The following MTOR variants were observed in gnomAD, a reference collection of about 807,000 sequenced individuals.
The protein encoded by MTOR is mechanistic target of rapamycin kinase, also known as serine/threonine-protein kinase mTOR.
A neutral mutation model predicts 319.8 loss-of-function variants in MTOR; 70 were observed. That is an observed-to-expected ratio of 0.22 (90% CI 0.18 to 0.27). MTOR has a LOEUF of 0.27. Ranked by LOEUF, MTOR falls within the 10% of genes least tolerant of loss-of-function variation. The pLI is 1.00. For missense variants in MTOR, 1,890 were observed against 3,274.4 expected, an observed-to-expected ratio of 0.58 and a Z score of 10.32; for synonymous variants, 1,183 against 1,211.4, an observed-to-expected ratio of 0.98 and a Z score of 0.49.
chr1:11,261,216 C>T (rs1012235655), intron 1 of MTOR, among the ~76,000 whole-genome samples: 1 of 151,316 alleles, frequency 6.6e-6, no homozygotes, highest in African/African-American at 2.4e-5. Context: ...TAGTTCCTGG[C>T]CGGGTTTGGG....
At chr1:11,177,835 G>C (rs1645035795) in intron 28 of MTOR, among the ~76,000 whole-genome samples, 1 of 152,032 alleles carries the variant, frequency 6.6e-6, no homozygotes, top group Non-Finnish European at 1.5e-5. Flanking sequence ...GTGAGTGGAA[G>C]TACCACTTTT....
intron 28 of MTOR, among the ~76,000 whole-genome samples, chr1:11,176,349 C>T (rs781775596): frequency 6.6e-6 from 1 of 152,214 alleles, no homozygotes; most frequent in Non-Finnish European, 1.5e-5. Flanking sequence ...CAAAGTGATG[C>T]AAGCCTCTTC....
At chr1:11,108,336 C>T in intron 56 of MTOR, 50 bp from the exon 57 acceptor site, 1 of 1,412,630 alleles carries the variant, frequency 7.1e-7, no homozygotes, top group Non-Finnish European at 1.0e-6. Flanking sequence ...GCAATCGATG[C>T]ACTTCTTGTT....
intron 20 of MTOR, among the ~76,000 whole-genome samples, chr1:11,214,664 G>T (rs569582539): frequency 6.6e-6 from 1 of 152,262 alleles, no homozygotes; most frequent in East Asian, 1.9e-4. Context: ...AAGCATAATG[G>T]TTTAGAAAGC....
At chr1:11,150,002 C>T (rs1644082417) in intron 31 of MTOR, 124 bp downstream of exon 31, 1 of 708,586 alleles carries the variant, frequency 1.4e-6, no homozygotes, top group Admixed American at 2.5e-5. Context: ...TAGGTGGATA[C>T]AGACCATTTT....
At chr1:11,210,414 C>T (rs1338524505) in intron 24 of MTOR, among the ~76,000 whole-genome samples, 3 of 152,142 alleles carry the variant, frequency 2.0e-5, no homozygotes, top group Non-Finnish European at 4.4e-5. Flanking sequence ...CCTCCCAAGG[C>T]GGGAGCCACC....
rs1298144717 is a variant in MTOR at position 11,163,764 on chromosome 1, T to C, written c.4329+3678A>G. ...AACATAGACACCACATACCAGAATC[T>C]ATGGGATACATTTAAAGCAGGGTGT... On this transcript the variant is annotated intron_variant, in intron 29 of 57. Coordinates refer to ENST00000361445, the MANE Select transcript of MTOR (RefSeq NM_004958.4). Among the ~76,000 whole-genome samples the C allele has an allele frequency of 7.2e-5, 11 of 152,146 alleles. No homozygotes were observed. The East Asian group carries it at 2.1e-3, about 29-fold the overall frequency.
chr1:11,137,410 A>G (rs12097293), intron 36 of MTOR, among the ~76,000 whole-genome samples: 38,157 of 152,032 alleles, frequency 0.25, 5,082 homozygotes, highest in African/African-American at 0.33. Flanking sequence ...CTGGGTATTA[A>G]GTTTGGATTT....
intron 3 of MTOR, among the ~76,000 whole-genome samples, chr1:11,257,501 T>C (rs1219176622): frequency 3.6e-5 from 5 of 140,010 alleles, no homozygotes; most frequent in Non-Finnish European, 7.6e-5. Context: ...AGGCAGAGGT[T>C]GCAGTAAGCC....
At chr1:11,210,767 T>C in intron 24 of MTOR, 47 bp downstream of exon 24, 1 of 1,349,700 alleles carries the variant, frequency 7.4e-7, no homozygotes, top group Non-Finnish European at 1.0e-6. Context: ...GAATATCAAG[T>C]AGTAAAGACA....
chr1:11,205,291 G>T, intron 25 of MTOR, among the ~76,000 whole-genome samples: 1 of 152,178 alleles, frequency 6.6e-6, no homozygotes, highest in East Asian at 1.9e-4. Context: ...ATTCAGGTGG[G>T]TGGAAAGGCT....
intron 20 of MTOR, among the ~76,000 whole-genome samples, chr1:11,215,382 C>G (rs1646435981): frequency 6.6e-6 from 1 of 152,068 alleles, no homozygotes; most frequent in Admixed American, 6.6e-5. Context: ...TTCTGAGATC[C>G]AGGTGCTGGG....
At chr1:11,196,952 C>T (rs1191354091) in intron 28 of MTOR, among the ~76,000 whole-genome samples, 1 of 151,842 alleles carries the variant, frequency 6.6e-6, no homozygotes, top group Admixed American at 6.6e-5. Flanking sequence ...GAAGTTGACT[C>T]AAATGTATAT....
At chr1:11,240,600 G>A (rs1647878062) in intron 10 of MTOR, 53 bp from the exon 11 acceptor site, 1 of 1,570,186 alleles carries the variant, frequency 6.4e-7, no homozygotes, top group South Asian at 1.2e-5. Flanking sequence ...CACTCAGTCT[G>A]TTCTTGGGAA....
At chr1:11,260,772 T>C (rs1569861561) in intron 1 of MTOR, among the ~76,000 whole-genome samples, 1 of 151,430 alleles carries the variant, frequency 6.6e-6, no homozygotes, top group Non-Finnish European at 1.5e-5. Context: ...CTTACAACAA[T>C]GTCAATTTGG....
At chr1:11,147,789 C>T (rs1643987262) in intron 31 of MTOR, among the ~76,000 whole-genome samples, 2 of 152,196 alleles carry the variant, frequency 1.3e-5, no homozygotes, top group African/African-American at 4.8e-5. Context: ...GGACACTCTA[C>T]ATATCCTCTC....
intron 31 of MTOR, among the ~76,000 whole-genome samples, chr1:11,148,039 C>T (rs183305159): frequency 6.6e-6 from 1 of 152,248 alleles, no homozygotes; most frequent in East Asian, 1.9e-4. Flanking sequence ...CTATAATCTT[C>T]ACTGTTATAT....
chr1:11,164,073 G>A (rs1406682899), intron 29 of MTOR, among the ~76,000 whole-genome samples: 4 of 152,114 alleles, frequency 2.6e-5, no homozygotes, highest in Non-Finnish European at 4.4e-5. Flanking sequence ...GGCTAGGCGC[G>A]GTGGCTCATG....
chr1:11,210,755 A>G, intron 24 of MTOR, 59 bp downstream of exon 24: 2 of 1,304,818 alleles, frequency 1.5e-6, no homozygotes, highest in South Asian at 2.6e-5. Context: ...CCAAGATTAC[A>G]AGAATATCAA....
Sources: allele counts gnomAD v4.1 joint callset (sites outside exome capture counted in the v4.1 genomes callset), GRCh38; gene constraint gnomAD v4.1.1; transcripts MANE v1.5; gene names NCBI Gene and HGNC (gene_info 2026-07-23, HGNC 2026-07-21).